Variants in MTUS1 observed in about 807,000 individuals in gnomAD.
MTUS1 encodes the protein microtubule associated scaffold protein 1.
MTUS1 carries 109 observed loss-of-function variants against 120.8 expected under a neutral mutation model. The observed-to-expected ratio is 0.90, with a 90% CI of 0.77 to 1.06. The LOEUF (loss-of-function observed/expected upper bound fraction) is 1.06. Among genes scored for constraint, MTUS1 ranks in the 50% least tolerant of loss-of-function variants. The pLI is 0.00. For missense variants in MTUS1, 2,210 were observed against 1,486.3 expected, an observed-to-expected ratio of 1.49 and a Z score of -8.01; for synonymous variants, 737 against 550.5, an observed-to-expected ratio of 1.34 and a Z score of -4.74.
chr8:17,763,125 G>C (rs1352662658), intron 1 of MTUS1, among the ~76,000 whole-genome samples: 2 of 151,922 alleles, frequency 1.3e-5, no homozygotes, highest in African/African-American at 4.8e-5. Flanking sequence ...TGAGTAGCTG[G>C]GATTACAGGT....
intron 7 of MTUS1, among the ~76,000 whole-genome samples, chr8:17,683,528 G>A (rs759905085): frequency 2.6e-4 from 40 of 152,218 alleles, no homozygotes; most frequent in Non-Finnish European, 4.9e-4. Context: ...CTGACCACAA[G>A]CGATCCTCCC....
intron 3 of MTUS1, among the ~76,000 whole-genome samples, chr8:17,729,472 C>T (rs978639409): frequency 6.6e-6 from 1 of 151,584 alleles, no homozygotes; most frequent in African/African-American, 2.4e-5. Context: ...CAGGAAAAAA[C>T]AGAAAAAGAA....
intron 5 of MTUS1, 27 bp downstream of exon 5, chr8:17,715,740 C>A: frequency 6.3e-7 from 1 of 1,582,784 alleles, no homozygotes; most frequent in Admixed American, 1.9e-5. Flanking sequence ...CTTGCCCTCC[C>A]TCTTCAAACC....
intron 2 of MTUS1, among the ~76,000 whole-genome samples, chr8:17,746,808 G>A (rs1322988201): frequency 6.6e-6 from 1 of 152,152 alleles, no homozygotes; most frequent in African/African-American, 2.4e-5. Flanking sequence ...TAATAATCCT[G>A]TGAAGTTGGT....
intron 10 of MTUS1, 87 bp from the exon 11 acceptor site, chr8:17,653,585 G>A: frequency 1.1e-6 from 1 of 931,028 alleles, no homozygotes; most frequent in Non-Finnish European, 1.7e-6. Context: ...AGATGTAGGG[G>A]TTGATGATGA....
chr8:17,721,188 G>A (rs755132551), intron 4 of MTUS1, among the ~76,000 whole-genome samples: 21 of 152,126 alleles, frequency 1.4e-4, no homozygotes, highest in Admixed American at 6.5e-4. Context: ...TCAGAACACT[G>A]ATCAAAAGAG....
intron 1 of MTUS1, among the ~76,000 whole-genome samples, chr8:17,790,574 T>C (rs2051693116): frequency 6.6e-6 from 1 of 152,244 alleles, no homozygotes; most frequent in African/African-American, 2.4e-5. Flanking sequence ...TTTTCACTTG[T>C]GCTACTAATC....
intron 8 of MTUS1, among the ~76,000 whole-genome samples, chr8:17,662,298 T>C (rs1049401376): frequency 2.0e-5 from 3 of 151,804 alleles, no homozygotes; most frequent in African/African-American, 7.3e-5. Flanking sequence ...ATGCGAATGT[T>C]TGAAAGAAGG....
intron 8 of MTUS1, among the ~76,000 whole-genome samples, chr8:17,663,443 G>C (rs765096509): frequency 1.3e-5 from 2 of 152,146 alleles, no homozygotes; most frequent in African/African-American, 2.4e-5. Flanking sequence ...TTCATTATGA[G>C]ACGACCAAAA....
At position 17,662,231 on chromosome 8, in the gene MTUS1, C is replaced by G; in HGVS notation, c.2906-6166G>C. Reference sequence around the variant, plus strand: ...CTCACTTTCAATTAATCAGACACCCCACAAAGCCAAAACCAAACATAAAAT... The same window carrying G: ...CTCACTTTCAATTAATCAGACACCCGACAAAGCCAAAACCAAACATAAAAT... On this transcript the variant is annotated intron_variant, in intron 8 of 14. Transcript: ENST00000693296. Among the ~76,000 whole-genome samples the G allele has an allele frequency of 1.3e-5, 2 of 152,084 alleles. 1 individual carries two copies. The highest frequency in any genetic ancestry group is 1.3e-4 in the Admixed American group (2 of 15,272).
chr8:17,744,884 T>C (rs144238166), intron 2 of MTUS1, among the ~76,000 whole-genome samples: 124 of 152,222 alleles, frequency 8.1e-4, no homozygotes, highest in African/African-American at 3.0e-3. Flanking sequence ...AATCCACCTA[T>C]GATCTGTAAG....
intron 7 of MTUS1, chr8:17,676,546 A>G: frequency 1.7e-6 from 1 of 577,156 alleles, no homozygotes; most frequent in Non-Finnish European, 3.1e-6. Flanking sequence ...CCTTTGGCAC[A>G]GGCAGCCTGT....
chr8:17,647,114 T>G (rs759606679), intron 13 of MTUS1, 35 bp from the exon 14 acceptor site: 1 of 1,537,600 alleles, frequency 6.5e-7, no homozygotes, highest in East Asian at 2.3e-5. Flanking sequence ...ATTTATACAA[T>G]ATTAAAAAAA....
intron 14 of MTUS1, among the ~76,000 whole-genome samples, chr8:17,646,571 G>A (rs1382142162): frequency 6.6e-6 from 1 of 152,180 alleles, no homozygotes; most frequent in East Asian, 1.9e-4. Context: ...CTGGGCAGAA[G>A]AGTGAGACCT....
At chr8:17,801,450 C>G (rs1289797395), upstream of MTUS1, 1 of 151,820 alleles carries the variant, frequency 6.6e-6, no homozygotes, top group African/African-American at 2.4e-5. Context: ...GAATGACGTG[C>G]GAGGCCGTAC....
Position 17,755,278 on chromosome 8 carries a change from G to T in MTUS1, c.530C>A (p.Ala177Asp). The change falls in exon 2 of 15, where the codon GCC becomes GAC. Residue 177 changes from alanine (A) to aspartate (D), a missense_variant. By Grantham distance (126) the Ala-to-Asp change is moderately radical (BLOSUM62 -2). Transcript: ENST00000693296. ...KVNCTFISHH[A>D]IGKSQSFHTA... ...ATGGAAGGACTGACTCTTTCCGATG[G>T]CATGATGTGATATAAAGGTGCAGTT... 12 of 1,614,160 alleles carry T rather than the reference G, an allele frequency of 7.4e-6. No individual in the cohort carries two copies. The highest frequency in any genetic ancestry group is 1.0e-5 in the Non-Finnish European group (12 of 1,179,992).
chr8:17,735,061 G>C (rs1002885012), intron 3 of MTUS1, among the ~76,000 whole-genome samples: 2 of 152,144 alleles, frequency 1.3e-5, no homozygotes, highest in African/African-American at 4.8e-5. Context: ...TGAGACCACA[G>C]GCGGGAGCCA....
upstream of MTUS1, chr8:17,801,232 G>C (rs1339782120): frequency 2.0e-5 from 3 of 151,550 alleles, no homozygotes; most frequent in African/African-American, 7.3e-5. Context: ...GCTACCAGGC[G>C]GGACCCGGAG....
At chr8:17,727,692 G>A (rs1423780173) in intron 3 of MTUS1, among the ~76,000 whole-genome samples, 3 of 152,156 alleles carry the variant, frequency 2.0e-5, no homozygotes, top group South Asian at 2.1e-4. Context: ...ACATTTACCA[G>A]GTCATATCGT....
Sources: allele counts gnomAD v4.1 joint callset (sites outside exome capture counted in the v4.1 genomes callset), GRCh38; gene constraint gnomAD v4.1.1; transcripts MANE v1.5; gene names NCBI Gene and HGNC (gene_info 2026-07-23, HGNC 2026-07-21).